SLF2: variants seen among roughly 807,000 people sequenced by gnomAD.
The protein encoded by SLF2 is SMC5-SMC6 complex localization factor protein 2.
Under a neutral mutation model 124.3 loss-of-function variants are expected in SLF2, and 68 were observed. That is an observed-to-expected ratio of 0.55 (90% CI 0.45 to 0.67). The LOEUF is 0.67. SLF2 is among the 30% of genes least tolerant of loss of function. The probability of loss-of-function intolerance (pLI) is 0.00; values close to 1 mark genes in which losing one functional copy is unlikely to be tolerated. For synonymous variants in SLF2, 480 were observed against 478.8 expected (o/e 1.00, Z -0.03); for missense variants, 1,246 against 1,373.7 (o/e 0.91, Z 1.47).
At position 100,963,548 on chromosome 10, in the gene SLF2, G is replaced by A. The variant is rs1850462254; in HGVS notation, c.*1636G>A. ...ATACAAAGAGTTCTATTTGACAGAA[G>A]CTTGAAACTCTGGCATCTATCTGCC... On this transcript the variant is annotated 3_prime_UTR_variant, in exon 20 of 20. Coordinates refer to ENST00000238961, the MANE Select transcript of SLF2 (RefSeq NM_018121.4). 1 of 152,606 alleles carries A rather than the reference G, an allele frequency of 6.6e-6. No individual in the cohort carries two copies. Among genetic ancestry groups the A allele is most frequent in the Non-Finnish European group, 1.5e-5 (1 of 68,022 alleles). The allele number at this position is 152,606 out of a possible 1,614,324, so 9.5% of individuals were successfully genotyped here. A position where few individuals can be genotyped will look rare whatever the true frequency, so the allele number is the denominator to read the frequency against.
intron 9 of SLF2, among the ~76,000 whole-genome samples, chr10:100,932,651 C>T (rs1849759962): frequency 6.6e-6 from 1 of 151,740 alleles, no homozygotes; most frequent in African/African-American, 2.4e-5. Context: ...TGTCTCTGAT[C>T]TCATGAAGCC....
chr10:100,960,430 CTT>C (rs1259966815), intron 19 of SLF2, among the ~76,000 whole-genome samples: 14 of 152,180 alleles, frequency 9.2e-5, no homozygotes, highest in African/African-American at 3.1e-4. Flanking sequence ...CTCACCAACA[CTT>C]GTTTTTACTA....
At position 100,950,746 on chromosome 10, in the gene SLF2, G is replaced by A. The variant is rs1489052811; in HGVS notation, c.3323G>A (p.Gly1108Glu). 6.2e-7 allele frequency: 1 copy of A among 1,613,550 alleles called. No homozygotes were observed. The change falls in exon 17 of 20, where the codon GGA becomes GAA. Residue 1108 changes from glycine to glutamate, a missense_variant. By Grantham distance (98) the Gly-to-Glu change is moderately conservative. Coordinates refer to ENST00000238961, the MANE Select transcript of SLF2 (RefSeq NM_018121.4). Reference sequence around the variant, plus strand: ...AGTTGTTCTCATTCTTTTTCTTCTGGACAACGGGTAGGTAGTGTTTAGTGT... The same window carrying A: ...AGTTGTTCTCATTCTTTTTCTTCTGAACAACGGGTAGGTAGTGTTTAGTGT... ...EVSCSHSFSSGQRKHFVLLCG... is the reference protein window; with the variant it reads ...EVSCSHSFSSEQRKHFVLLCG...
intron 1 of SLF2, among the ~76,000 whole-genome samples, chr10:100,915,710 C>A (rs11593444): frequency 0.43 from 65,663 of 151,988 alleles, 16,292 homozygotes; most frequent in Middle Eastern, 0.6. Flanking sequence ...TCTTAAGAAG[C>A]ACTCTGTACT....
Position 100,929,437 on chromosome 10 carries a change from C to G in SLF2, c.2163C>G (p.His721Gln). The G allele has an allele frequency of 6.3e-7, 1 of 1,589,610 alleles. No individual in the cohort carries two copies. Among genetic ancestry groups the G allele is most frequent in the Non-Finnish European group, 8.5e-7 (1 of 1,171,936 alleles). Reference protein sequence around the residue: ...TDDEDGLLEEHKEFLKKFSVT... With the variant: ...TDDEDGLLEEQKEFLKKFSVT... ...ATGAGGATGGCCTCTTAGAAGAGCA[C>G]AAGTATAGCATTTTTCATAATGTAT... Residue 721 changes from histidine (H) to glutamine (Q), a missense_variant and splice_region_variant, in exon 7 of 20, where the codon CAC becomes CAG. His to Gln is a conservative substitution (Grantham distance 24, BLOSUM62 0). Around this residue, in one of 3 missense-constraint regions of SLF2, gnomAD observed 535 missense variants for 632.8 expected, o/e 0.85. Transcript: ENST00000238961.
At chr10:100,937,005 A>G (rs572382824) in intron 9 of SLF2, among the ~76,000 whole-genome samples, 1 of 152,196 alleles carries the variant, frequency 6.6e-6, no homozygotes, top group Non-Finnish European at 1.5e-5. Flanking sequence ...TGTAATGAGT[A>G]CTACTTCATA....
intron 5 of SLF2, 114 bp from the exon 6 acceptor site, chr10:100,925,835 C>A: frequency 2.0e-6 from 2 of 1,024,218 alleles, no homozygotes; most frequent in East Asian, 2.5e-5. Context: ...AAGGTGTTAT[C>A]CTGGCCCAGA....
intron 17 of SLF2, among the ~76,000 whole-genome samples, chr10:100,952,103 G>C (rs766977502): frequency 6.6e-6 from 1 of 151,616 alleles, no homozygotes; most frequent in Non-Finnish European, 1.5e-5. Context: ...AGTTAGCCGG[G>C]CGTGTTGGTG....
chr10:100,928,036 C>CA (rs1849646398), intron 6 of SLF2, among the ~76,000 whole-genome samples: 1 of 35,408 alleles, frequency 2.8e-5, no homozygotes, highest in South Asian at 1.1e-3. Flanking sequence ...TGAACACCCC[C>CA]CCCCCCCCCC....
chr10:100,929,439 A>G lies in SLF2; in HGVS notation c.2165A>G (p.Lys722Arg). The part of the protein sequence containing the change: ...DDEDGLLEEH[K>R]EFLKKFSVTI... Reference sequence around the variant, plus strand: ...GAGGATGGCCTCTTAGAAGAGCACAAGTATAGCATTTTTCATAATGTATTT... The same window carrying G: ...GAGGATGGCCTCTTAGAAGAGCACAGGTATAGCATTTTTCATAATGTATTT... Residue 722 changes from lysine to arginine, a missense_variant and splice_region_variant, in exon 7 of 20, where the codon AAG (lysine) becomes AGG (arginine). By Grantham distance (26) the Lys-to-Arg change is conservative (BLOSUM62 2). Around this residue, in one of 3 missense-constraint regions of SLF2, gnomAD observed 535 missense variants for 632.8 expected, o/e 0.85. Coordinates refer to ENST00000238961, the MANE Select transcript of SLF2 (RefSeq NM_018121.4). 1.3e-6 allele frequency: 2 copies of G among 1,581,834 alleles called. No homozygotes were observed. The highest frequency in any genetic ancestry group is 1.7e-6 in the Non-Finnish European group (2 of 1,169,334).
At chr10:100,950,031 C>A in intron 15 of SLF2, 45 bp from the exon 16 acceptor site, 1 of 1,486,842 alleles carries the variant, frequency 6.7e-7, no homozygotes, top group South Asian at 1.5e-5. Flanking sequence ...GAAAGAACAA[C>A]TATATTATTT....
In SLF2 at chr10:100,964,596, T is replaced by G. The variant is rs1850478182; in HGVS notation, c.*2684T>G. 1.3e-5 allele frequency: 2 copies of G among 152,656 alleles called. No individual in the cohort carries two copies. Among genetic ancestry groups the G allele is most frequent in the Non-Finnish European group, 2.9e-5 (2 of 68,050 alleles). 9.5% of individuals were successfully genotyped at this position (152,656 alleles called of 1,614,324 possible). A position where few individuals can be genotyped will look rare whatever the true frequency, so the allele number is the denominator to read the frequency against. Reference sequence around the variant, plus strand: ...TGTTTCTGCTTTCAAGCGCAAATAGTAGCTTGCTTTCAGCTTCACAAAAAT... The same window carrying G: ...TGTTTCTGCTTTCAAGCGCAAATAGGAGCTTGCTTTCAGCTTCACAAAAAT... On this transcript the variant is annotated 3_prime_UTR_variant, in exon 20 of 20. Coordinates refer to ENST00000238961, the MANE Select transcript of SLF2 (RefSeq NM_018121.4).
chr10:100,913,086 T>C lies in SLF2; in HGVS notation c.-25T>C. 3 of 1,607,844 alleles carry C rather than the reference T, an allele frequency of 1.9e-6. No homozygotes were observed. Among genetic ancestry groups the C allele is most frequent in the Non-Finnish European group, 2.5e-6 (3 of 1,177,180 alleles). On this transcript the variant is annotated 5_prime_UTR_variant, in exon 1 of 20. An upstream start codon of the reference 5' UTR is lost. Transcript: ENST00000238961. ...ACCCAACTTCTCCAGCCACGGCTCA[T>C]GCCGCCGTCGCCAGCGGCGCCGACA...
At chr10:100,918,292 T>A in intron 3 of SLF2, 92 bp from the exon 4 acceptor site, 1 of 743,216 alleles carries the variant, frequency 1.3e-6, no homozygotes, top group Non-Finnish European at 2.2e-6. Context: ...CCTTATTCAA[T>A]CTAGAAATCT....
intron 19 of SLF2, among the ~76,000 whole-genome samples, chr10:100,960,580 A>C (rs1210790052): frequency 6.6e-6 from 1 of 152,068 alleles, no homozygotes; most frequent in African/African-American, 2.4e-5. Flanking sequence ...GTCTATTCAG[A>C]TCCTTTGCCC....
Position 100,964,486 on chromosome 10 carries a change from T to A in SLF2, c.*2574T>A, listed in dbSNP as rs571202203. ...GCTCTCCATGCACAAAATGCATTGA[T>A]GTAGCCGTAAAGTAACAGCATTTGT... is the stretch of plus-strand genomic sequence containing the variant. On this transcript the variant is annotated 3_prime_UTR_variant, in exon 20 of 20. Transcript: ENST00000238961. 2.0e-5 allele frequency: 3 copies of A among 152,822 alleles called. No individual in the cohort carries two copies. In the East Asian group the frequency reaches 5.8e-4, roughly 29 times the overall value. The allele number at this position is 152,822 out of a possible 1,614,324, so 9.5% of individuals were successfully genotyped here. A position where few individuals can be genotyped will look rare whatever the true frequency, so the allele number is the denominator to read the frequency against.
chr10:100,958,996 G>A (rs536231544), intron 18 of SLF2, among the ~76,000 whole-genome samples: 23 of 151,936 alleles, frequency 1.5e-4, no homozygotes, highest in African/African-American at 4.8e-4. Flanking sequence ...ACAAATAAAC[G>A]TTTTTTTTAT....
chr10:100,915,868 C>T (rs1172147759), intron 1 of SLF2, 131 bp from the exon 2 acceptor site: 2 of 683,930 alleles, frequency 2.9e-6, no homozygotes, highest in South Asian at 1.9e-5. Flanking sequence ...AGCATTGTTA[C>T]CATTGTCAGA....
In SLF2 at chr10:100,962,624, T is replaced by C. The variant is rs936121430; in HGVS notation, c.*712T>C. ...CTGTTTTGATGCCAGAACATTCATATGCTGTTTGTTCTGGATTTCTTTTAA... is the reference window on the plus strand; with the variant it reads ...CTGTTTTGATGCCAGAACATTCATACGCTGTTTGTTCTGGATTTCTTTTAA... On this transcript the variant is annotated 3_prime_UTR_variant, in exon 20 of 20. Transcript: ENST00000238961. The C allele has an allele frequency of 2.6e-5, 4 of 152,664 alleles. No homozygotes were observed. Among genetic ancestry groups the C allele is most frequent in the Non-Finnish European group, 4.4e-5 (3 of 68,038 alleles). The allele number at this position is 152,664 out of a possible 1,614,324, so 9.5% of individuals were successfully genotyped here.
Sources: allele counts gnomAD v4.1 joint callset (sites outside exome capture counted in the v4.1 genomes callset), GRCh38; gene constraint gnomAD v4.1.1; regional missense constraint gnomAD v4.1.1; transcripts MANE v1.5; gene names NCBI Gene and HGNC (gene_info 2026-07-23, HGNC 2026-07-21).